The following PPM1L variants were observed in gnomAD, a reference collection of about 807,000 sequenced individuals.
PPM1L encodes the protein protein phosphatase 1L.
A neutral mutation model predicts 31.4 loss-of-function variants in PPM1L; 13 were observed. The observed-to-expected ratio is 0.41, with a 90% CI of 0.27 to 0.66. PPM1L has a LOEUF of 0.66. Among genes scored for constraint, PPM1L ranks in the 30% least tolerant of loss-of-function variants. PPM1L has a pLI of 0.29. For synonymous variants in PPM1L, 184 were observed against 175.4 expected, an observed-to-expected ratio of 1.05 and a Z score of -0.39; for missense variants, 326 against 453.7, an observed-to-expected ratio of 0.72 and a Z score of 2.56.
chr3:161,049,504 C>A (rs1719200245), intron 2 of PPM1L, among the ~76,000 whole-genome samples: 1 of 152,164 alleles, frequency 6.6e-6, no homozygotes. Flanking sequence ...TAATAAGGTT[C>A]TACATCTTGC....
chr3:161,010,362 T>C (rs1717852007), intron 2 of PPM1L, among the ~76,000 whole-genome samples: 1 of 152,226 alleles, frequency 6.6e-6, no homozygotes, highest in African/African-American at 2.4e-5. Context: ...TAGTATTCCA[T>C]TTATGGCTGC....
chr3:160,841,349 T>TC (rs547650632), intron 1 of PPM1L, among the ~76,000 whole-genome samples: 135 of 151,630 alleles, frequency 8.9e-4, no homozygotes, highest in African/African-American at 3.1e-3. Flanking sequence ...TTTTTTTTTT[T>TC]CAGAGGATTG....
At chr3:160,879,713 G>C (rs1210514196) in intron 1 of PPM1L, among the ~76,000 whole-genome samples, 1 of 152,226 alleles carries the variant, frequency 6.6e-6, no homozygotes, top group Non-Finnish European at 1.5e-5. Flanking sequence ...GGGCATGCCT[G>C]TTAAAACACA....
chr3:160,757,302 C>T (rs1013943544), intron 1 of PPM1L, among the ~76,000 whole-genome samples: 3 of 152,240 alleles, frequency 2.0e-5, no homozygotes, highest in African/African-American at 7.2e-5. Flanking sequence ...TTGACAGGAG[C>T]GCCTCGCTGG....
At chr3:161,068,703 C>A in intron 3 of PPM1L, 108 bp from the exon 4 acceptor site, 1 of 874,564 alleles carries the variant, frequency 1.1e-6, no homozygotes, top group Non-Finnish European at 1.8e-6. Context: ...GGAGTGCCCA[C>A]AGCCCAGTTC....
At chr3:161,000,638 G>A (rs1026521315) in intron 2 of PPM1L, among the ~76,000 whole-genome samples, 1 of 151,984 alleles carries the variant, frequency 6.6e-6, no homozygotes, top group African/African-American at 2.4e-5. Flanking sequence ...TTTCACATTT[G>A]TGACTTATTT....
At position 160,843,426 on chromosome 3, in the gene PPM1L, TTATATATATATATATATA is replaced by T. The variant is rs55994031; in HGVS notation, c.399+86745_399+86762del. 7.7e-3 allele frequency among the ~76,000 whole-genome samples: 364 copies of T among 47,536 alleles called. 16 individuals carry two copies. The Middle Eastern group carries it at 0.08, about 10-fold the overall frequency. The allele number at this position is 47,536 out of a possible 152,430, so 31.2% of individuals were successfully genotyped here. A position where few individuals can be genotyped will look rare whatever the true frequency, so the allele number is the denominator to read the frequency against. ...TTTTTGTGTGTGTATGGCAATTCTT[TTATATATATATATATATA>T]TATATATATATATATATATATATAT... On this transcript the variant is annotated intron_variant, in intron 1 of 3. Coordinates refer to ENST00000498165, the MANE Select transcript of PPM1L (RefSeq NM_139245.4).
chr3:160,872,211 TGGA>T (rs1026275618), intron 1 of PPM1L, among the ~76,000 whole-genome samples: 5 of 152,202 alleles, frequency 3.3e-5, no homozygotes, highest in African/African-American at 1.2e-4. Context: ...ATCTAAATTT[TGGA>T]GGAGAAGGGT....
chr3:160,933,691 T>A (rs538464086), intron 1 of PPM1L, among the ~76,000 whole-genome samples: 359 of 152,238 alleles, frequency 2.4e-3, no homozygotes, highest in African/African-American at 8.5e-3. Flanking sequence ...TTTTTTTTTT[T>A]AATTCACAGC....
At chr3:160,803,118 C>T (rs887380970) in intron 1 of PPM1L, among the ~76,000 whole-genome samples, 2 of 152,190 alleles carry the variant, frequency 1.3e-5, no homozygotes, top group African/African-American at 4.8e-5. Context: ...GTAAAATATG[C>T]ATAAGGGACA....
At chr3:161,014,450 A>G (rs1442934999) in intron 2 of PPM1L, among the ~76,000 whole-genome samples, 2 of 151,186 alleles carry the variant, frequency 1.3e-5, no homozygotes, top group East Asian at 3.9e-4. Flanking sequence ...ATACTGCCAA[A>G]TATCCCTTTT....
rs1420468486 is a variant in PPM1L at position 160,891,305 on chromosome 3, C to G, written c.400-70431C>G. Among the ~76,000 whole-genome samples the G allele has an allele frequency of 2.0e-5, 3 of 151,754 alleles. No homozygotes were observed. In the East Asian group the frequency reaches 5.8e-4, roughly 29 times the overall value. On this transcript the variant is annotated intron_variant, in intron 1 of 3. Coordinates refer to ENST00000498165, the MANE Select transcript of PPM1L (RefSeq NM_139245.4). ...GAAAATTTAAAGAAAAAAAACAACC[C>G]CATCAAAAAGTGGGCAAAGAATATG...
intron 1 of PPM1L, among the ~76,000 whole-genome samples, chr3:160,777,150 T>A (rs979323858): frequency 6.6e-6 from 1 of 151,774 alleles, no homozygotes; most frequent in Non-Finnish European, 1.5e-5. Flanking sequence ...GAGTGAGACC[T>A]CATCTCTACA....
chr3:161,046,690 G>A (rs9842861), intron 2 of PPM1L, among the ~76,000 whole-genome samples: 43,001 of 151,946 alleles, frequency 0.28, 6,409 homozygotes, highest in East Asian at 0.58. Flanking sequence ...AAAATCCTCA[G>A]TAAAATACTG....
rs937358019 is a variant in PPM1L, at chr3:161,075,389, C to T, written c.*6232C>T. 4.6e-5 allele frequency: 7 copies of T among 152,066 alleles called. No homozygotes were observed. Among genetic ancestry groups the T allele is most frequent in the African/African-American group, 1.7e-4 (7 of 41,388 alleles). The allele number at this position is 152,066 out of a possible 1,614,324, so 9.4% of individuals were successfully genotyped here. On this transcript the variant is annotated 3_prime_UTR_variant, in exon 4 of 4. Coordinates refer to ENST00000498165, the MANE Select transcript of PPM1L (RefSeq NM_139245.4). ...TTGTGTTTAATAGTAATTTCTGACACCTGCACATAGATGAAGAAAAGGCAG... is the reference window on the plus strand; with the variant it reads ...TTGTGTTTAATAGTAATTTCTGACATCTGCACATAGATGAAGAAAAGGCAG...
intron 2 of PPM1L, among the ~76,000 whole-genome samples, chr3:160,971,966 C>T (rs1473971275): frequency 2.0e-5 from 3 of 152,218 alleles, no homozygotes; most frequent in South Asian, 4.2e-4. Flanking sequence ...CGGGTTCTTA[C>T]TGTGTTGTCC....
Position 160,973,774 on chromosome 3 carries a change from T to TTTTTTTTTTG in PPM1L, c.574+11873_574+11874insGTTTTTTTTT, listed in dbSNP as rs1716441798. 1.3e-4 allele frequency among the ~76,000 whole-genome samples: 6 copies of TTTTTTTTTTG among 47,340 alleles called. No individual in the cohort carries two copies. In the East Asian group the frequency reaches 5.7e-3, roughly 45 times the overall value. The allele number at this position is 47,340 out of a possible 152,430, so 31.1% of individuals were successfully genotyped here. On this transcript the variant is annotated intron_variant, in intron 2 of 3. Transcript: ENST00000498165. ...CTTCTGAAAGGCCCTGTTTTTTTTT[T>TTTTTTTTTTG]TTTTTTTTTTTTTTTTTTTAACCAA... is the stretch of plus-strand genomic sequence containing the variant.
chr3:160,782,461 A>T (rs943664542), intron 1 of PPM1L, among the ~76,000 whole-genome samples: 3 of 152,214 alleles, frequency 2.0e-5, no homozygotes, highest in African/African-American at 7.2e-5. Context: ...ACTATGTGAC[A>T]AAGTTGGCCT....
intron 1 of PPM1L, among the ~76,000 whole-genome samples, chr3:160,782,168 T>G (rs1015891294): frequency 8.5e-5 from 12 of 140,728 alleles, no homozygotes; most frequent in African/African-American, 2.7e-4. Flanking sequence ...ATTCTGTTTG[T>G]TTTTTTTTTG....
Sources: allele counts gnomAD v4.1 joint callset (sites outside exome capture counted in the v4.1 genomes callset), GRCh38; gene constraint gnomAD v4.1.1; transcripts MANE v1.5; gene names NCBI Gene and HGNC (gene_info 2026-07-23, HGNC 2026-07-21).